The following CLIP4 variants were observed in gnomAD, a reference collection of about 807,000 sequenced individuals.
CLIP4 encodes CAP-Gly domain-containing linker protein 4.
In CLIP4, 47 loss-of-function variants were observed where a neutral mutation model predicts 73.1. That is an observed-to-expected ratio of 0.64 (90% CI 0.51 to 0.82). The LOEUF is 0.82. Ranked by LOEUF, CLIP4 falls within the 40% of genes least tolerant of loss-of-function variation. The pLI, the probability that CLIP4 is intolerant of heterozygous loss-of-function variation, is 0.00. For synonymous variants in CLIP4, 306 were observed against 295.4 expected (o/e 1.04, Z -0.37); for missense variants, 874 against 852.9 (o/e 1.02, Z -0.31).
At chr2:29,168,125 A>G (rs2148077704) in intron 14 of CLIP4, among the ~76,000 whole-genome samples, 1 of 152,196 alleles carries the variant, frequency 6.6e-6, no homozygotes, top group South Asian at 2.1e-4. Context: ...TCCTCACCTC[A>G]TTAGTACTTA....
intron 1 of CLIP4, among the ~76,000 whole-genome samples, chr2:29,120,219 C>T (rs144064217): frequency 6.6e-6 from 1 of 152,066 alleles, no homozygotes; most frequent in Non-Finnish European, 1.5e-5. Context: ...ATTAGGTTAC[C>T]TAATATATAA....
chr2:29,150,770 C>T (rs1469295022), intron 8 of CLIP4, among the ~76,000 whole-genome samples: 3 of 150,836 alleles, frequency 2.0e-5, no homozygotes, highest in African/African-American at 4.9e-5. Context: ...CAGGCACGCA[C>T]CACCGTGCCT....
At chr2:29,132,276 A>G (rs1558529010) in intron 4 of CLIP4, 31 bp downstream of exon 4, 1 of 1,521,972 alleles carries the variant, frequency 6.6e-7, no homozygotes, top group South Asian at 1.1e-5. Flanking sequence ...TCAGTTGCTT[A>G]TGTCATCTGC....
At chr2:29,112,268 T>C (rs549685639), upstream of CLIP4, among the ~76,000 whole-genome samples, 32 of 152,378 alleles carry the variant, frequency 2.1e-4, no homozygotes, top group Admixed American at 7.2e-4. Context: ...TGTAAGTTTG[T>C]TGAGTTCCCT....
intron 10 of CLIP4, 119 bp downstream of exon 10, chr2:29,156,562 G>C (rs1339204167): frequency 1.5e-6 from 1 of 683,030 alleles, no homozygotes; most frequent in East Asian, 3.1e-5. Flanking sequence ...AAAAATTATA[G>C]TAAAAATTAA....
At chr2:29,174,273 A>T (rs1352098812) in intron 14 of CLIP4, 100 bp from the exon 15 acceptor site, 5 of 1,028,990 alleles carry the variant, frequency 4.9e-6, no homozygotes, top group Non-Finnish European at 7.1e-6. Context: ...AGAAACATTT[A>T]ATATAATAGA....
At chr2:29,134,071 G>A (rs1665176034) in intron 5 of CLIP4, among the ~76,000 whole-genome samples, 1 of 152,046 alleles carries the variant, frequency 6.6e-6, no homozygotes, top group African/African-American at 2.4e-5. Flanking sequence ...AAGTTCTCCA[G>A]TATAACACGG....
In CLIP4 at chr2:29,152,844, A is replaced by C; in HGVS notation, c.1165+16A>C. Reference sequence around the variant, plus strand: ...GTAAATACTGGTAGGTCAAACCAGAAAGTTAACCATCTGCTTCAGTGTTTT... The same window carrying C: ...GTAAATACTGGTAGGTCAAACCAGACAGTTAACCATCTGCTTCAGTGTTTT... On this transcript the variant is annotated intron_variant, in intron 9 of 15. Transcript: ENST00000320081. 1.2e-6 allele frequency: 2 copies of C among 1,609,688 alleles called. No individual in the cohort carries two copies. Among genetic ancestry groups the C allele is most frequent in the Non-Finnish European group, 1.7e-6 (2 of 1,178,784 alleles).
At chr2:29,121,683 C>T (rs755183107) in intron 2 of CLIP4, among the ~76,000 whole-genome samples, 162 bp downstream of exon 2, 1 of 152,080 alleles carries the variant, frequency 6.6e-6, no homozygotes, top group South Asian at 2.1e-4. Context: ...GCTTTTTCTG[C>T]TTCTTAAGCT....
intron 6 of CLIP4, 85 bp from the exon 7 acceptor site, chr2:29,143,624 G>T: frequency 1.1e-6 from 1 of 893,090 alleles, no homozygotes; most frequent in Admixed American, 2.1e-5. Context: ...TGAATTTAAC[G>T]TAAAGTTCTT....
intron 1 of CLIP4, among the ~76,000 whole-genome samples, chr2:29,107,891 AAC>A (rs1462603621): frequency 1.3e-5 from 2 of 152,124 alleles, no homozygotes; most frequent in African/African-American, 2.4e-5. Context: ...CCATTTAATC[AAC>A]ACACATTTAT....
At chr2:29,173,511 A>G (rs533283085) in intron 14 of CLIP4, among the ~76,000 whole-genome samples, 1 of 152,310 alleles carries the variant, frequency 6.6e-6, no homozygotes, top group East Asian at 1.9e-4. Context: ...GTTCTCTGGA[A>G]TTCAGCGGAA....
rs182628037 is a variant in CLIP4, at chr2:29,151,965, C to T, written c.1022-720C>T. ...CCCCCCTGCCCCTGCCGCTCCCCTC[C>T]CCAAAGTACACTGTATTGTTTCTGA... On this transcript the variant is annotated intron_variant, in intron 8 of 15. Coordinates refer to ENST00000320081, the MANE Select transcript of CLIP4 (RefSeq NM_024692.6). 6.0e-3 allele frequency among the ~76,000 whole-genome samples: 912 copies of T among 152,202 alleles called. 6 individuals carry two copies. Among genetic ancestry groups the T allele is most frequent in the Non-Finnish European group, 9.5e-3 (649 of 68,010 alleles).
chr2:29,163,739 A>G, intron 12 of CLIP4, 92 bp from the exon 13 acceptor site: 1 of 1,269,370 alleles, frequency 7.9e-7, no homozygotes, highest in Non-Finnish European at 1.1e-6. Context: ...ATTTATGGAA[A>G]TGTTAAAACA....
At chr2:29,174,622 A>G in intron 15 of CLIP4, 177 bp downstream of exon 15, 1 of 1,348,710 alleles carries the variant, frequency 7.4e-7, no homozygotes, top group Non-Finnish European at 9.5e-7. Flanking sequence ...TGCAAGCGCA[A>G]TTAAAAATGT....
At chr2:29,180,677 T>C (rs1465412281) in intron 15 of CLIP4, among the ~76,000 whole-genome samples, 1 of 152,216 alleles carries the variant, frequency 6.6e-6, no homozygotes, top group Non-Finnish European at 1.5e-5. Context: ...TTTACTACAC[T>C]GTCAAAATAC....
intron 12 of CLIP4, among the ~76,000 whole-genome samples, chr2:29,160,909 CAT>C (rs1416644667): frequency 1.3e-5 from 2 of 152,094 alleles, no homozygotes; most frequent in Admixed American, 6.5e-5. Flanking sequence ...CTTAAAAATA[CAT>C]GTTTGTGTAT....
rs776758750 is a variant in CLIP4 at position 29,181,684 on chromosome 2, A to T, written c.1909A>T (p.Met637Leu). The T allele has an allele frequency of 5.0e-6, 8 of 1,614,006 alleles. No homozygotes were observed. In the Admixed American group the frequency reaches 5.0e-5, roughly 10 times the overall value. Residue 637 changes from methionine to leucine, a missense_variant, in exon 16 of 16, where the codon ATG becomes TTG. Coordinates refer to ENST00000320081, the MANE Select transcript of CLIP4 (RefSeq NM_024692.6). ...GGTCCTGCTCACGAGCTCCAATGAGATGGGTACTGTTAGGTATGTGGGCCC... is the reference window on the plus strand; with the variant it reads ...GGTCCTGCTCACGAGCTCCAATGAGTTGGGTACTGTTAGGTATGTGGGCCC... ...SQVLLTSSNE[M>L]GTVRYVGPTD...
At chr2:29,121,239 C>T (rs988011791) in intron 1 of CLIP4, 135 bp from the exon 2 acceptor site, 2 of 885,966 alleles carry the variant, frequency 2.3e-6, no homozygotes, top group Admixed American at 6.1e-5. Context: ...GGAATTTTTT[C>T]CCTTTCATAA....
Sources: allele counts gnomAD v4.1 joint callset (sites outside exome capture counted in the v4.1 genomes callset), GRCh38; gene constraint gnomAD v4.1.1; transcripts MANE v1.5; gene names NCBI Gene and HGNC (gene_info 2026-07-23, HGNC 2026-07-21).